PIAS2: variants seen among roughly 807,000 people sequenced by gnomAD.
PIAS2 encodes protein inhibitor of activated STAT 2, also known as E3 SUMO-protein ligase PIAS2.
A neutral mutation model predicts 69.7 loss-of-function variants in PIAS2; 19 were observed. The observed-to-expected ratio is 0.27, with a 90% CI of 0.19 to 0.40. The LOEUF (loss-of-function observed/expected upper bound fraction) is 0.40. Ranked by LOEUF, PIAS2 falls within the 10% of genes least tolerant of loss-of-function variation. PIAS2 has a pLI of 1.00. For missense variants in PIAS2, 624 were observed against 757.0 expected, an observed-to-expected ratio of 0.82 and a Z score of 2.06; for synonymous variants, 261 against 263.2, an observed-to-expected ratio of 0.99 and a Z score of 0.08.
intron 2 of PIAS2, among the ~76,000 whole-genome samples, chr18:46,881,766 C>T (rs1009857665): frequency 6.6e-6 from 1 of 152,226 alleles, no homozygotes; most frequent in East Asian, 1.9e-4. Flanking sequence ...TAACAAACAC[C>T]TTAAAGCCCA....
upstream of PIAS2, chr18:46,917,553 T>C (rs986590226): frequency 6.3e-5 from 71 of 1,120,132 alleles, no homozygotes; most frequent in Non-Finnish European, 7.4e-5. Context: ...GCCCCGCCCC[T>C]AGCGGTGCCC....
Position 46,827,946 on chromosome 18 carries a change from T to C in PIAS2, c.1508+13A>G. On this transcript the variant is annotated intron_variant, in intron 11 of 13. Coordinates refer to ENST00000585916, the MANE Select transcript of PIAS2 (RefSeq NM_004671.5). Reference sequence around the variant, plus strand: ...AAGGGTAATGAACAATAGTGAACTATAAATTAACAAACCCTTTGGTTGGGC... The same window carrying C: ...AAGGGTAATGAACAATAGTGAACTACAAATTAACAAACCCTTTGGTTGGGC... 6.2e-7 allele frequency: 1 copy of C among 1,611,966 alleles called. No individual in the cohort carries two copies. The highest frequency in any genetic ancestry group is 2.2e-5 in the East Asian group (1 of 44,858).
intron 3 of PIAS2, among the ~76,000 whole-genome samples, chr18:46,861,323 T>A (rs2048632386): frequency 6.6e-6 from 1 of 152,080 alleles, no homozygotes; most frequent in Admixed American, 6.5e-5. Context: ...ATAATCTCAA[T>A]GTAAAAAAGA....
At chr18:46,886,611 G>A (rs1188130860) in intron 2 of PIAS2, among the ~76,000 whole-genome samples, 3 of 152,202 alleles carry the variant, frequency 2.0e-5, no homozygotes, top group Admixed American at 6.5e-5. Context: ...GCCAAGGCGG[G>A]TGGATCACCT....
At chr18:46,820,304 C>T (rs2042027673) in intron 12 of PIAS2, among the ~76,000 whole-genome samples, 1 of 152,082 alleles carries the variant, frequency 6.6e-6, no homozygotes, top group South Asian at 2.1e-4. Context: ...TCATCTCTTA[C>T]TATGCCTAAT....
intron 2 of PIAS2, among the ~76,000 whole-genome samples, chr18:46,878,686 T>A (rs2051661288): frequency 1.3e-5 from 2 of 152,174 alleles, no homozygotes; most frequent in African/African-American, 4.8e-5. Flanking sequence ...CTGGCCAACA[T>A]GGCGAAACCC....
rs774431421 is a variant in PIAS2 at position 46,803,434 on chromosome 18, C to CA, written c.*8998dup. 3 of 152,230 alleles carry CA rather than the reference C, an allele frequency of 2.0e-5. No homozygotes were observed. Among genetic ancestry groups the CA allele is most frequent in the Non-Finnish European group, 4.4e-5 (3 of 68,044 alleles). The allele number at this position is 152,230 out of a possible 1,614,324, so 9.4% of individuals were successfully genotyped here. ...ATACCACGTTATTTTCCTTCAGTCT[C>CA]AGCTGCTGCTTCTTGATTTCCTTGT... On this transcript the variant is annotated 3_prime_UTR_variant, in exon 14 of 14. Coordinates refer to ENST00000585916, the MANE Select transcript of PIAS2 (RefSeq NM_004671.5).
chr18:46,908,829 T>G (rs895605274), intron 1 of PIAS2, among the ~76,000 whole-genome samples: 4 of 152,064 alleles, frequency 2.6e-5, no homozygotes, highest in Admixed American at 6.6e-5. Context: ...ACCAACATGG[T>G]GAAACCCCGT....
At chr18:46,862,738 T>C (rs1460055714) in intron 3 of PIAS2, among the ~76,000 whole-genome samples, 2 of 152,092 alleles carry the variant, frequency 1.3e-5, no homozygotes, top group Non-Finnish European at 2.9e-5. Flanking sequence ...AGAGTTTCAC[T>C]CTTGTTGCCC....
At chr18:46,893,365 G>T in intron 1 of PIAS2, 3 of 481,394 alleles carry the variant, frequency 6.2e-6, no homozygotes, top group Non-Finnish European at 8.1e-6. Flanking sequence ...CTTATTGTCA[G>T]ATATTCTTCA....
chr18:46,854,302 T>C (rs958741619), intron 5 of PIAS2, among the ~76,000 whole-genome samples: 1 of 152,194 alleles, frequency 6.6e-6, no homozygotes, highest in African/African-American at 2.4e-5. Context: ...AGTCTCGTGT[T>C]CAGCAGGGAT....
rs780588301 is a variant in PIAS2 at position 46,806,799 on chromosome 18, T to A, written c.*5634A>T. ...TTGATGAAGGCCAAAATAAGAGGCA[T>A]ATGCTATTCTACAACACGGTAACAC... On this transcript the variant is annotated 3_prime_UTR_variant, in exon 14 of 14. Coordinates refer to ENST00000585916, the MANE Select transcript of PIAS2 (RefSeq NM_004671.5). 32 of 152,194 alleles carry A rather than the reference T, an allele frequency of 2.1e-4. No individual in the cohort carries two copies. Among genetic ancestry groups the A allele is most frequent in the Non-Finnish European group, 3.5e-4 (24 of 68,038 alleles). The allele number at this position is 152,194 out of a possible 1,614,324, so 9.4% of individuals were successfully genotyped here.
intron 1 of PIAS2, among the ~76,000 whole-genome samples, chr18:46,900,791 T>C (rs2055707722): frequency 6.6e-6 from 1 of 151,634 alleles, no homozygotes. Context: ...CTGGCCAAGA[T>C]GGTGAAACCC....
chr18:46,865,267 C>T (rs111712247), intron 2 of PIAS2, among the ~76,000 whole-genome samples: 8,746 of 152,214 alleles, frequency 0.057, 298 homozygotes, highest in Non-Finnish European at 0.081. Flanking sequence ...AGGCCGGGCA[C>T]AGTGGCTCAC....
chr18:46,855,648 A>G (rs1200879673), intron 3 of PIAS2, 33 bp from the exon 4 acceptor site: 2 of 1,527,268 alleles, frequency 1.3e-6, no homozygotes, highest in Non-Finnish European at 1.8e-6. Flanking sequence ...GGGTTAAAAA[A>G]GTACAATGAG....
intron 3 of PIAS2, among the ~76,000 whole-genome samples, chr18:46,860,962 A>C (rs2145554157): frequency 6.6e-6 from 1 of 152,244 alleles, no homozygotes; most frequent in East Asian, 1.9e-4. Flanking sequence ...TGGGCAACAG[A>C]GCAAGACCTT....
At chr18:46,842,990 T>C (rs932564720) in intron 8 of PIAS2, among the ~76,000 whole-genome samples, 1 of 152,200 alleles carries the variant, frequency 6.6e-6, no homozygotes, top group Non-Finnish European at 1.5e-5. Flanking sequence ...CTTTCCAGAA[T>C]AAAAGAGATG....
intron 2 of PIAS2, among the ~76,000 whole-genome samples, chr18:46,881,133 C>T (rs979679079): frequency 6.6e-6 from 1 of 152,166 alleles, no homozygotes; most frequent in African/African-American, 2.4e-5. Flanking sequence ...CAACTCCTGC[C>T]AGTCTCCCAC....
At chr18:46,881,751 C>A (rs1420709965) in intron 2 of PIAS2, among the ~76,000 whole-genome samples, 6 of 152,260 alleles carry the variant, frequency 3.9e-5, no homozygotes, top group African/African-American at 1.4e-4. Flanking sequence ...ACCTCCCTAA[C>A]TGTGTAACAA....
Sources: gnomAD v4.1 joint callset for allele counts (sites outside exome capture counted in the v4.1 genomes callset) on GRCh38, gnomAD v4.1.1 for gene constraint, MANE v1.5 for transcripts, NCBI Gene and HGNC (gene_info 2026-07-23, HGNC 2026-07-21) for gene names.